Variants in CLIP4 observed in about 807,000 individuals in gnomAD.
The protein encoded by CLIP4 is CAP-Gly domain containing linker protein family member 4, also known as CAP-Gly domain-containing linker protein 4.
CLIP4 carries 47 observed loss-of-function variants against 73.1 expected under a neutral mutation model. That is an observed-to-expected ratio of 0.64 (90% CI 0.51 to 0.82). CLIP4 has a LOEUF of 0.82. Ranked by LOEUF, CLIP4 falls within the 40% of genes least tolerant of loss-of-function variation. The pLI is 0.00. For missense variants in CLIP4, 874 were observed against 852.9 expected (o/e 1.02, Z -0.31); for synonymous variants, 306 against 295.4 (o/e 1.04, Z -0.37).
rs1271101697 is a variant in CLIP4, at chr2:29,183,685, C to T, written c.*1792C>T. The T allele has an allele frequency of 6.6e-6, 1 of 152,528 alleles. No homozygotes were observed. The highest frequency in any genetic ancestry group is 2.4e-5 in the African/African-American group (1 of 41,422). 9.4% of individuals were successfully genotyped at this position (152,528 alleles called of 1,614,324 possible). A position where few individuals can be genotyped will look rare whatever the true frequency, so the allele number is the denominator to read the frequency against. ...AGATGAGGATGATTGAGTCCATATA[C>T]TATGTATGTTTACATATACTATACA... is the stretch of plus-strand genomic sequence containing the variant. On this transcript the variant is annotated 3_prime_UTR_variant, in exon 16 of 16. Coordinates refer to ENST00000320081, the MANE Select transcript of CLIP4 (RefSeq NM_024692.6).
At chr2:29,150,313 C>G (rs1666468532) in intron 8 of CLIP4, among the ~76,000 whole-genome samples, 1 of 152,178 alleles carries the variant, frequency 6.6e-6, no homozygotes, top group Non-Finnish European at 1.5e-5. Context: ...GTGGAGAGGG[C>G]TACCCTTCTC....
intron 1 of CLIP4, 26 bp from the exon 2 acceptor site, chr2:29,121,348 C>T (rs1446472425): frequency 1.6e-5 from 25 of 1,559,944 alleles, no homozygotes; most frequent in Non-Finnish European, 2.1e-5. Context: ...AAAGTAGAAA[C>T]ACTTTTTTTT....
At position 29,126,984 on chromosome 2, in the gene CLIP4, TA is replaced by T. The variant is rs538010609; in HGVS notation, c.134-4273del. Among the ~76,000 whole-genome samples the T allele has an allele frequency of 4.6e-5, 7 of 152,288 alleles. No homozygotes were observed. In the East Asian group the frequency reaches 1.4e-3, roughly 29 times the overall value. ...ACTAGAATCTGATAATGGGCGTACT[TA>T]GAGTTTTCTATGGAAACACAATTTT... On this transcript the variant is annotated intron_variant, in intron 2 of 15. Coordinates refer to ENST00000320081, the MANE Select transcript of CLIP4 (RefSeq NM_024692.6).
chr2:29,138,457 TTCTG>T, intron 6 of CLIP4, among the ~76,000 whole-genome samples: 1 of 152,206 alleles, frequency 6.6e-6, no homozygotes, highest in South Asian at 2.1e-4. Context: ...CTTCTGTTCT[TTCTG>T]CTTAGGATTG....
chr2:29,169,020 C>G (rs1289839993), intron 14 of CLIP4, among the ~76,000 whole-genome samples: 16 of 149,950 alleles, frequency 1.1e-4, no homozygotes, highest in Admixed American at 1.1e-3. Context: ...TTGTATGATA[C>G]CAATCCTTAA....
chr2:29,104,191 C>T (rs1038305982), intron 1 of CLIP4, among the ~76,000 whole-genome samples: 2 of 152,220 alleles, frequency 1.3e-5, no homozygotes, highest in Admixed American at 6.5e-5. Context: ...ATGGTATTTA[C>T]TCATACTAAG....
Position 29,130,666 on chromosome 2 carries a change from A to G in CLIP4, c.134-592A>G, listed in dbSNP as rs992736390. ...AAGCTTACGAATGTTATCACATTTC[A>G]GTTCAATCTTTCTGATTCTCTTCTG... On this transcript the variant is annotated intron_variant, in intron 2 of 15. Transcript: ENST00000320081. The G allele has an allele frequency of 5.3e-6, 6 of 1,129,878 alleles. No homozygotes were observed. In the Admixed American group the frequency reaches 2.7e-4, roughly 50 times the overall value. The allele number at this position is 1,129,878 out of a possible 1,614,324, so 70.0% of individuals were successfully genotyped here.
chr2:29,154,831 C>T (rs568909264), intron 9 of CLIP4, among the ~76,000 whole-genome samples: 74 of 152,210 alleles, frequency 4.9e-4, no homozygotes, highest in African/African-American at 1.7e-3. Flanking sequence ...GCAGAGGCTG[C>T]GGAAGCGGAA....
intron 13 of CLIP4, among the ~76,000 whole-genome samples, chr2:29,164,853 T>C (rs1667504945): frequency 6.6e-6 from 1 of 152,222 alleles, no homozygotes; most frequent in Admixed American, 6.5e-5. Flanking sequence ...TATGATATAC[T>C]TGACATAATT....
intron 1 of CLIP4, among the ~76,000 whole-genome samples, chr2:29,103,134 G>A (rs957669405): frequency 6.6e-6 from 1 of 152,126 alleles, no homozygotes; most frequent in African/African-American, 2.4e-5. Flanking sequence ...AACAATTTAA[G>A]TTCTACCTTC....
At chr2:29,177,698 G>T (rs976810761) in intron 15 of CLIP4, among the ~76,000 whole-genome samples, 1 of 152,284 alleles carries the variant, frequency 6.6e-6, no homozygotes, top group African/African-American at 2.4e-5. Context: ...CTTTCTTGAG[G>T]CTTTAAGGGA....
At chr2:29,165,231 T>G (rs750589611) in intron 13 of CLIP4, among the ~76,000 whole-genome samples, 1 of 151,502 alleles carries the variant, frequency 6.6e-6, no homozygotes, top group Non-Finnish European at 1.5e-5. Context: ...TGTAAGCCCT[T>G]GCTTTTAGAT....
At chr2:29,136,370 C>T (rs903940745) in intron 6 of CLIP4, among the ~76,000 whole-genome samples, 3 of 152,090 alleles carry the variant, frequency 2.0e-5, no homozygotes, top group African/African-American at 4.8e-5. Context: ...CCCATTTTCC[C>T]TACTTCTTTG....
chr2:29,179,318 C>T (rs1668521482), intron 15 of CLIP4, among the ~76,000 whole-genome samples: 2 of 152,178 alleles, frequency 1.3e-5, no homozygotes, highest in Non-Finnish European at 2.9e-5. Flanking sequence ...TTTAAAACTA[C>T]ATTCTTACGA....
At chr2:29,163,258 T>G (rs865982672) in intron 12 of CLIP4, among the ~76,000 whole-genome samples, 3 of 151,886 alleles carry the variant, frequency 2.0e-5, no homozygotes, top group Non-Finnish European at 4.4e-5. Context: ...ACCTTTTCAT[T>G]TAGGTAAAAA....
chr2:29,181,220 C>A (rs899307502), intron 15 of CLIP4, among the ~76,000 whole-genome samples: 1 of 152,076 alleles, frequency 6.6e-6, no homozygotes, highest in Non-Finnish European at 1.5e-5. Flanking sequence ...ATTTACTATT[C>A]CTGAAATAGA....
intron 2 of CLIP4, chr2:29,130,997 GTAT>G: frequency 9.8e-7 from 1 of 1,022,048 alleles, no homozygotes; most frequent in Non-Finnish European, 1.3e-6. Context: ...TGTTGAGCTG[GTAT>G]TATTTAGTCT....
At chr2:29,143,573 G>A in intron 6 of CLIP4, 136 bp from the exon 7 acceptor site, 2 of 658,772 alleles carry the variant, frequency 3.0e-6, no homozygotes, top group Middle Eastern at 4.2e-4. Flanking sequence ...TCTGCATATT[G>A]TAGGCGTTCA....
chr2:29,138,379 A>C (rs1399805586), intron 6 of CLIP4, among the ~76,000 whole-genome samples: 2 of 151,632 alleles, frequency 1.3e-5, no homozygotes, highest in East Asian at 1.9e-4. Flanking sequence ...TTTTTTAGCA[A>C]TATCATGCTG....
Sources: allele counts gnomAD v4.1 joint callset (sites outside exome capture counted in the v4.1 genomes callset), GRCh38; gene constraint gnomAD v4.1.1; transcripts MANE v1.5; gene names NCBI Gene and HGNC (gene_info 2026-07-23, HGNC 2026-07-21).